Variants in FAM228B observed in about 807,000 individuals in gnomAD.
FAM228B encodes protein FAM228B.
In FAM228B, 38 loss-of-function variants were observed where a neutral mutation model predicts 42.6. That is an observed-to-expected ratio of 0.89 (90% confidence interval 0.69 to 1.17). The LOEUF (loss-of-function observed/expected upper bound fraction) is 1.17, where lower values mean the gene tolerates loss of function less well. Among genes scored for constraint, FAM228B ranks in the 50% most tolerant of loss-of-function variants. The probability of loss-of-function intolerance (pLI) is 0.00; values close to 1 mark genes in which losing one functional copy is unlikely to be tolerated. For missense variants in FAM228B, 344 were observed against 367.3 expected, an observed-to-expected ratio of 0.94 and a Z score of 0.52; for synonymous variants, 109 against 122.3, an observed-to-expected ratio of 0.89 and a Z score of 0.72.
At chr2:24,161,477 A>G (rs775352074) in intron 7 of FAM228B, 29 bp from the exon 8 acceptor site, 2 of 1,301,176 alleles carry the variant, frequency 1.5e-6, no homozygotes, top group Admixed American at 2.3e-5. Flanking sequence ...GAACAAAAAA[A>G]CCTTCTCACA....
chr2:24,098,145 G>A (rs1398509941), intron 3 of FAM228B, among the ~76,000 whole-genome samples: 1 of 152,182 alleles, frequency 6.6e-6, no homozygotes, highest in East Asian at 1.9e-4. Flanking sequence ...TGTGTAGAGG[G>A]AAATTTATAG....
At chr2:24,115,029 C>T (rs1665870093) in intron 3 of FAM228B, among the ~76,000 whole-genome samples, 1 of 152,208 alleles carries the variant, frequency 6.6e-6, no homozygotes, top group Admixed American at 6.5e-5. Context: ...GTTGAATGGC[C>T]TTTGCAATCC....
rs530640046 is a variant in FAM228B, at chr2:24,118,427, G to A, written c.-120-16692G>A. Among the ~76,000 whole-genome samples the A allele has an allele frequency of 9.2e-5, 14 of 152,290 alleles. No homozygotes were observed. The East Asian group carries it at 1.7e-3, about 19-fold the overall frequency. ...GCGCCTTCCCTGACTCTGCTAGGCC[G>A]AAGTAATTCATTGATTTATTCATCA... On this transcript the variant is annotated intron_variant, in intron 3 of 10. Coordinates refer to the FAM228B transcript ENST00000613899.
At chr2:24,115,295 A>G (rs1665878622) in intron 3 of FAM228B, 1 of 387,744 alleles carries the variant, frequency 2.6e-6, no homozygotes, top group Non-Finnish European at 4.8e-6. Flanking sequence ...CAAGGTGTGT[A>G]GGAGTACAAG....
chr2:24,097,145 C>A (rs557515923), intron 3 of FAM228B: 4 of 152,280 alleles, frequency 2.6e-5, no homozygotes, highest in Admixed American at 6.5e-5. Context: ...TGGAAAGGAA[C>A]AACTGGTACC....
rs772894657 is a variant in FAM228B, at chr2:24,139,369, G to A, written c.361-1G>A. ...TGTATCGTTTTATTTCCTTGCTATA[G>A]GGAAATGCATTTATAGAACATTATG... On this transcript the variant is annotated splice_acceptor_variant, in intron 4 of 10. Coordinates refer to ENST00000615575, the MANE Select transcript of FAM228B (RefSeq NM_001145710.2). LOFTEE classifies it high-confidence loss of function. The A allele has an allele frequency of 1.3e-6, 2 of 1,523,732 alleles. No homozygotes were observed. The highest frequency in any genetic ancestry group is 2.4e-5 in the South Asian group (2 of 82,422). The allele number at this position is 1,523,732 out of a possible 1,614,324, so 94.4% of individuals were successfully genotyped here.
chr2:24,144,599 C>G (rs917712305), intron 5 of FAM228B, among the ~76,000 whole-genome samples: 2 of 152,156 alleles, frequency 1.3e-5, no homozygotes, highest in South Asian at 2.1e-4. Flanking sequence ...GGTGAGGCAG[C>G]CTGCTCGGCC....
upstream of FAM228B, chr2:24,121,082 A>T: frequency 6.5e-7 from 1 of 1,535,538 alleles, no homozygotes; most frequent in Non-Finnish European, 8.9e-7. Flanking sequence ...TCTGTTTTAC[A>T]GAAAGGATCA....
rs1479607475 is a variant in FAM228B, at chr2:24,084,747, CT to C, written c.-210+3793del. The C allele has an allele frequency of 6.3e-6, 1 of 158,736 alleles. No homozygotes were observed. The highest frequency in any genetic ancestry group is 2.4e-5 in the African/African-American group (1 of 41,656). The allele number at this position is 158,736 out of a possible 1,614,324, so 9.8% of individuals were successfully genotyped here. On this transcript the variant is annotated intron_variant, in intron 2 of 10. Coordinates refer to the FAM228B transcript ENST00000613899. The surrounding 1 kb of genome is among the most constrained non-coding windows in gnomAD (Gnocchi z 8.4). ...GTTACTTACTCCTGGCCCGGCTCCC[CT>C]CCCATGCACCAGGCGGCGCCGAGTG...
At chr2:24,154,977 T>G (rs111914733) in intron 7 of FAM228B, among the ~76,000 whole-genome samples, 4,497 of 152,292 alleles carry the variant, frequency 0.03, 82 homozygotes, top group African/African-American at 0.057. Context: ...AAAACAGAAT[T>G]TCGAAACAAT....
At chr2:24,099,160 C>G (rs769572106) in intron 3 of FAM228B, among the ~76,000 whole-genome samples, 1 of 141,840 alleles carries the variant, frequency 7.1e-6, no homozygotes, top group Non-Finnish European at 1.6e-5. Context: ...TTTATGACAA[C>G]CCCCAGCCAA....
At chr2:24,164,448 C>A in intron 9 of FAM228B, 113 bp downstream of exon 9, 1 of 1,201,020 alleles carries the variant, frequency 8.3e-7, no homozygotes, top group Non-Finnish European at 1.1e-6. Context: ...AGAGAGGAGG[C>A]AGTGGGGAAT....
At chr2:24,152,447 G>A (rs1192207733) in intron 7 of FAM228B, among the ~76,000 whole-genome samples, 2 of 152,170 alleles carry the variant, frequency 1.3e-5, no homozygotes, top group Non-Finnish European at 2.9e-5. Context: ...TACATTCTGG[G>A]TTTGTCCTTC....
chr2:24,130,920 T>C (rs1411859150), intron 2 of FAM228B, among the ~76,000 whole-genome samples: 1 of 152,158 alleles, frequency 6.6e-6, no homozygotes, highest in East Asian at 1.9e-4. Flanking sequence ...GTTTTTATGG[T>C]TTTGGGTTTT....
rs138521413 is a variant in FAM228B at position 24,169,437 on chromosome 2, T to C, written c.*96T>C. 1.0e-4 allele frequency: 45 copies of C among 443,924 alleles called. No individual in the cohort carries two copies. In the East Asian group the frequency reaches 2.8e-3, roughly 28 times the overall value. 27.5% of individuals were successfully genotyped at this position (443,924 alleles called of 1,614,324 possible). On this transcript the variant is annotated 3_prime_UTR_variant, in exon 11 of 11. Coordinates refer to ENST00000615575, the MANE Select transcript of FAM228B (RefSeq NM_001145710.2). This position sits in a 1 kb window ranked among gnomAD's most constrained non-coding sequence, Gnocchi z 4.2. ...AATCAGGCTGCTTCAGAGGAAGTCA[T>C]CTGCTCACAGGAATCAGGGTGAAGG...
At chr2:24,119,727 A>C (rs1042373088), upstream of FAM228B, 1 of 1,440,460 alleles carries the variant, frequency 6.9e-7, no homozygotes, top group Non-Finnish European at 9.7e-7. Flanking sequence ...GGTTCTAATC[A>C]CAGGACCAGT....
chr2:24,077,815 T>G lies in FAM228B; in HGVS notation c.-290+846T>G. 6.4e-7 allele frequency: 1 copy of G among 1,553,468 alleles called. No individual in the cohort carries two copies. The highest frequency in any genetic ancestry group is 8.7e-7 in the Non-Finnish European group (1 of 1,145,856). ...CTGGGGAGAGAGCCTCACCCTGCCCTCCTCATCCTCCTCAGCCTTCTTGCT... is the reference window on the plus strand; with the variant it reads ...CTGGGGAGAGAGCCTCACCCTGCCCGCCTCATCCTCCTCAGCCTTCTTGCT... On this transcript the variant is annotated intron_variant, in intron 1 of 10. Coordinates refer to the FAM228B transcript ENST00000613899. This position sits in a 1 kb window ranked among gnomAD's most constrained non-coding sequence, Gnocchi z 5.5.
chr2:24,084,704 T>G lies in FAM228B; in HGVS notation c.-210+3749T>G. 5.8e-6 allele frequency: 1 copy of G among 173,752 alleles called. No homozygotes were observed. The allele number at this position is 173,752 out of a possible 1,614,324, so 10.8% of individuals were successfully genotyped here. ...TTGGAAGCCCCCAGCCCGACCCGGG[T>G]CCCCGGCGCCCGTATGAGTTACTTA... On this transcript the variant is annotated intron_variant, in intron 2 of 10. Transcript: ENST00000613899. The surrounding 1 kb of genome is among the most constrained non-coding windows in gnomAD (Gnocchi z 8.4).
chr2:24,093,674 G>A (rs1229585996), intron 2 of FAM228B, among the ~76,000 whole-genome samples: 2 of 151,246 alleles, frequency 1.3e-5, no homozygotes, highest in Non-Finnish European at 1.5e-5. Flanking sequence ...GAAGTGCAGT[G>A]GCACAATCTT....
Sources: allele counts gnomAD v4.1 joint callset (sites outside exome capture counted in the v4.1 genomes callset), GRCh38; gene constraint gnomAD v4.1.1; non-coding constraint Gnocchi (gnomAD v3.1); transcripts MANE v1.5; gene names NCBI Gene and HGNC (gene_info 2026-07-23, HGNC 2026-07-21).